The following AHCTF1 variants were observed in gnomAD, a reference collection of about 807,000 sequenced individuals.
The protein encoded by AHCTF1 is protein ELYS.
Under a neutral mutation model 248.4 loss-of-function variants are expected in AHCTF1, and 24 were observed. That is an observed-to-expected ratio of 0.10 (90% CI 0.07 to 0.14). The LOEUF (loss-of-function observed/expected upper bound fraction) is 0.14. Among genes scored for constraint, AHCTF1 ranks in the 10% least tolerant of loss-of-function variants. The pLI, the probability that AHCTF1 is intolerant of heterozygous loss-of-function variation, is 1.00. For synonymous variants in AHCTF1, 786 were observed against 929.8 expected (o/e 0.85, Z 2.81); for missense variants, 2,206 against 2,636.2 (o/e 0.84, Z 3.57).
Position 246,887,931 on chromosome 1 carries a change from T to C in AHCTF1, c.2325+246A>G, listed in dbSNP as rs569974633. 3.3e-5 allele frequency among the ~76,000 whole-genome samples: 5 copies of C among 152,288 alleles called. No homozygotes were observed. The South Asian group carries it at 1.0e-3, about 32-fold the overall frequency. ...AACTTTTTGAGTGTCTTGGACACAT[T>C]TAAGTGTCTGATAAAAGCCAAGTAC... is the stretch of plus-strand genomic sequence containing the variant. On this transcript the variant is annotated intron_variant, in intron 19 of 35. Coordinates refer to ENST00000648844, the MANE Select transcript of AHCTF1 (RefSeq NM_001323342.2).
rs763534209 is a variant in AHCTF1, at chr1:246,894,646, C to T, written c.1804+13G>A. On this transcript the variant is annotated intron_variant, in intron 14 of 35. Coordinates refer to ENST00000648844, the MANE Select transcript of AHCTF1 (RefSeq NM_001323342.2). ...ATTAAATTCTGTCCTACATCTAGAC[C>T]TCTAATACTTACATAGTCTGTCAAA... 1.2e-5 allele frequency: 19 copies of T among 1,600,546 alleles called. No homozygotes were observed. Among genetic ancestry groups the T allele is most frequent in the Non-Finnish European group, 1.5e-5 (18 of 1,169,446 alleles).
intron 24 of AHCTF1, among the ~76,000 whole-genome samples, chr1:246,871,853 T>A (rs1327962710): frequency 1.3e-5 from 2 of 151,918 alleles, no homozygotes; most frequent in South Asian, 2.1e-4. Flanking sequence ...AAAATAAAAA[T>A]TTGAGGTTAT....
At position 246,885,499 on chromosome 1, in the gene AHCTF1, A is replaced by T. The variant is rs1474911961; in HGVS notation, c.2654T>A (p.Phe885Tyr). Residue 885 changes from phenylalanine (F) to tyrosine (Y), a missense_variant, in exon 21 of 36, where the codon TTT (phenylalanine) becomes TAT (tyrosine). Transcript: ENST00000648844. ...TTTCAAAAGATGTACTTACCTATTA[A>T]AAAGCAAAACAGTGAGGTGAAGGAT... Reference protein sequence around the residue: ...DVILHLTVLLFNRCMVEAWNF... With the variant: ...DVILHLTVLLYNRCMVEAWNF... 5 of 1,594,590 alleles carry T rather than the reference A, an allele frequency of 3.1e-6. No homozygotes were observed. Among genetic ancestry groups the T allele is most frequent in the Non-Finnish European group, 4.3e-6 (5 of 1,168,760 alleles).
intron 33 of AHCTF1, among the ~76,000 whole-genome samples, chr1:246,846,494 A>G (rs970324923): frequency 6.6e-6 from 1 of 152,048 alleles, no homozygotes; most frequent in Non-Finnish European, 1.5e-5. Context: ...TAAAGGTTAA[A>G]TGATTTTCTG....
At chr1:246,908,127 C>G (rs1665526526) in intron 4 of AHCTF1, among the ~76,000 whole-genome samples, 1 of 151,834 alleles carries the variant, frequency 6.6e-6, no homozygotes, top group African/African-American at 2.4e-5. Context: ...GATTCCGGGT[C>G]AGGGGGAAGA....
intron 33 of AHCTF1, among the ~76,000 whole-genome samples, chr1:246,846,181 A>G (rs993458156): frequency 5.3e-5 from 8 of 150,748 alleles, no homozygotes; most frequent in African/African-American, 2.0e-4. Context: ...ATTTAGTAAA[A>G]CACAAAATTC....
rs193268311 is a variant in AHCTF1, at chr1:246,860,126, G to T, written c.4132+773C>A. 6.8e-4 allele frequency among the ~76,000 whole-genome samples: 104 copies of T among 151,990 alleles called. 2 individuals carry two copies. The East Asian group carries it at 0.019, about 28-fold the overall frequency. ...AATACAAAAATTAGCCAGTCATGGT[G>T]GGGGGCGACTATAGTCCCAGCTACT... On this transcript the variant is annotated intron_variant, in intron 29 of 35. Coordinates refer to ENST00000648844, the MANE Select transcript of AHCTF1 (RefSeq NM_001323342.2).
chr1:246,889,889 C>A, intron 17 of AHCTF1, 77 bp downstream of exon 17: 1 of 1,064,326 alleles, frequency 9.4e-7, no homozygotes, highest in Admixed American at 2.1e-5. Context: ...CATTTAATCA[C>A]TTTGTAAAAC....
chr1:246,926,691 A>G (rs1333156022), intron 1 of AHCTF1, among the ~76,000 whole-genome samples: 1 of 152,110 alleles, frequency 6.6e-6, no homozygotes, highest in African/African-American at 2.4e-5. Flanking sequence ...TCCCGTCTCT[A>G]CTAAATACAG....
chr1:246,899,757 A>G (rs1202947090), intron 10 of AHCTF1, among the ~76,000 whole-genome samples: 2 of 152,200 alleles, frequency 1.3e-5, no homozygotes, highest in African/African-American at 4.8e-5. Flanking sequence ...AACACAGCAA[A>G]AAAAATAAAA....
chr1:246,845,053 T>C (rs1175450936), intron 33 of AHCTF1, among the ~76,000 whole-genome samples: 2 of 152,174 alleles, frequency 1.3e-5, no homozygotes, highest in African/African-American at 2.4e-5. Flanking sequence ...GCAGGGTAGG[T>C]GGTAAGTGCT....
intron 21 of AHCTF1, among the ~76,000 whole-genome samples, chr1:246,882,507 CTG>C (rs1402512469): frequency 3.3e-5 from 5 of 152,054 alleles, no homozygotes; most frequent in Admixed American, 2.6e-4. Flanking sequence ...CATAATGAAA[CTG>C]TGGGATGCCG....
At chr1:246,906,125 G>C (rs1572447435) in intron 5 of AHCTF1, among the ~76,000 whole-genome samples, 1 of 152,270 alleles carries the variant, frequency 6.6e-6, no homozygotes, top group East Asian at 1.9e-4. Context: ...TTTAGCATCA[G>C]TTTCCCCACT....
intron 21 of AHCTF1, 54 bp from the exon 22 acceptor site, chr1:246,877,356 A>G (rs1291478710): frequency 8.1e-6 from 12 of 1,485,120 alleles, no homozygotes; most frequent in African/African-American, 1.4e-5. Flanking sequence ...TTAAATGTAC[A>G]AAACAAGAAA....
intron 21 of AHCTF1, among the ~76,000 whole-genome samples, chr1:246,880,756 A>G (rs1026377866): frequency 4.6e-5 from 7 of 152,174 alleles, no homozygotes; most frequent in Non-Finnish European, 8.8e-5. Flanking sequence ...ATAGCAGGAA[A>G]ATACTTTCAA....
At chr1:246,926,613 C>T (rs904578656) in intron 1 of AHCTF1, among the ~76,000 whole-genome samples, 9 of 151,764 alleles carry the variant, frequency 5.9e-5, no homozygotes, top group Non-Finnish European at 1.2e-4. Context: ...CCCAGCACTT[C>T]GGAAAGCTGA....
At position 246,923,812 on chromosome 1, in the gene AHCTF1, G is replaced by C. The variant is rs562422793; in HGVS notation, c.-7-5435C>G. ...AGAAGGTGAGTTCACAAAATCCAGA[G>C]AATTCTAACATCCTTCAGTGTGTGT... On this transcript the variant is annotated intron_variant, in intron 1 of 35. Coordinates refer to ENST00000648844, the MANE Select transcript of AHCTF1 (RefSeq NM_001323342.2). Among the ~76,000 whole-genome samples the C allele has an allele frequency of 2.0e-5, 3 of 152,280 alleles. No homozygotes were observed. The East Asian group carries it at 5.8e-4, about 29-fold the overall frequency.
intron 8 of AHCTF1, among the ~76,000 whole-genome samples, chr1:246,901,393 T>G (rs1245755758): frequency 2.6e-5 from 4 of 151,884 alleles, no homozygotes; most frequent in Non-Finnish European, 4.4e-5. Flanking sequence ...TCCCAGCACT[T>G]GGGGAGGCCG....
intron 24 of AHCTF1, among the ~76,000 whole-genome samples, chr1:246,874,773 T>A (rs1662823773): frequency 6.6e-6 from 1 of 152,156 alleles, no homozygotes; most frequent in Non-Finnish European, 1.5e-5. Context: ...AAATTTTCAC[T>A]CCTTTAACAT....
Sources: gnomAD v4.1 joint callset for allele counts (sites outside exome capture counted in the v4.1 genomes callset) on GRCh38, gnomAD v4.1.1 for gene constraint, MANE v1.5 for transcripts, NCBI Gene and HGNC (gene_info 2026-07-23, HGNC 2026-07-21) for gene names.